SLC39A11: variants seen among roughly 807,000 people sequenced by gnomAD.
The protein encoded by SLC39A11 is zinc transporter ZIP11.
SLC39A11 carries 33 observed loss-of-function variants against 36.1 expected under a neutral mutation model. That is an observed-to-expected ratio of 0.91 (90% CI 0.69 to 1.22). The LOEUF is 1.22. Ranked by LOEUF, SLC39A11 falls within the 50% of genes most tolerant of loss-of-function variation. The probability of loss-of-function intolerance (pLI) is 0.00; values close to 1 mark genes in which losing one functional copy is unlikely to be tolerated. For missense variants in SLC39A11, 432 were observed against 430.3 expected, an observed-to-expected ratio of 1.00 and a Z score of -0.03; for synonymous variants, 166 against 170.3, an observed-to-expected ratio of 0.97 and a Z score of 0.20.
intron 4 of SLC39A11, among the ~76,000 whole-genome samples, chr17:73,009,191 G>A (rs1322734550): frequency 2.6e-5 from 4 of 151,778 alleles, no homozygotes; most frequent in Admixed American, 1.3e-4. Flanking sequence ...GTGAAACCCT[G>A]TCTCTACTAA....
intron 4 of SLC39A11, among the ~76,000 whole-genome samples, chr17:73,005,274 G>A (rs1029628473): frequency 3.3e-5 from 5 of 152,202 alleles, no homozygotes; most frequent in South Asian, 4.2e-4. Flanking sequence ...CACCGTGCCC[G>A]GCCCACACAC....
chr17:72,853,170 A>G (rs1322420218), intron 5 of SLC39A11, among the ~76,000 whole-genome samples: 1 of 148,926 alleles, frequency 6.7e-6, no homozygotes, highest in East Asian at 2.0e-4. Flanking sequence ...GCACGCCACC[A>G]TGGCCAGCTA....
intron 3 of SLC39A11, among the ~76,000 whole-genome samples, chr17:73,065,174 G>A (rs1437090404): frequency 1.3e-5 from 2 of 152,178 alleles, no homozygotes; most frequent in African/African-American, 4.8e-5. Context: ...GGAGGCTGAG[G>A]CTGGCAGATC....
At chr17:72,965,261 A>C (rs929941951) in intron 4 of SLC39A11, among the ~76,000 whole-genome samples, 3 of 152,122 alleles carry the variant, frequency 2.0e-5, no homozygotes, top group Admixed American at 6.5e-5. Context: ...AAAAAAAAAG[A>C]AACTGGAATA....
At chr17:72,714,378 T>C (rs980910224) in intron 7 of SLC39A11, among the ~76,000 whole-genome samples, 3 of 145,434 alleles carry the variant, frequency 2.1e-5, no homozygotes, top group African/African-American at 7.7e-5. Flanking sequence ...AAAAAATTAA[T>C]AAAAATAATA....
chr17:72,704,530 G>C (rs984665821), intron 7 of SLC39A11, among the ~76,000 whole-genome samples: 3 of 152,144 alleles, frequency 2.0e-5, no homozygotes, highest in African/African-American at 7.2e-5. Flanking sequence ...TATTTGATAC[G>C]CTTTTCAGTG....
chr17:72,754,043 T>TAC (rs1442348420), intron 6 of SLC39A11, among the ~76,000 whole-genome samples: 20 of 47,716 alleles, frequency 4.2e-4, no homozygotes, highest in Non-Finnish European at 5.2e-4. Context: ...TATATATATA[T>TAC]ATACACATAC....
chr17:72,988,200 C>T (rs1328226666), intron 4 of SLC39A11, among the ~76,000 whole-genome samples: 1 of 152,232 alleles, frequency 6.6e-6, no homozygotes, highest in African/African-American at 2.4e-5. Context: ...CGCCTGTAAT[C>T]CCAACACTTT....
At chr17:73,060,356 C>T (rs1367201164) in intron 3 of SLC39A11, among the ~76,000 whole-genome samples, 4 of 151,200 alleles carry the variant, frequency 2.6e-5, no homozygotes, top group Non-Finnish European at 4.4e-5. Flanking sequence ...TTGTCCTTCA[C>T]GTTGTCTTTA....
At chr17:72,822,698 T>C (rs1366693427) in intron 6 of SLC39A11, among the ~76,000 whole-genome samples, 2 of 150,986 alleles carry the variant, frequency 1.3e-5, no homozygotes, top group African/African-American at 4.8e-5. Context: ...TGGCAAACAC[T>C]TCCAACCCTA....
intron 4 of SLC39A11, among the ~76,000 whole-genome samples, chr17:72,988,095 C>T (rs1490520887): frequency 1.3e-5 from 2 of 152,180 alleles, no homozygotes; most frequent in Non-Finnish European, 2.9e-5. Flanking sequence ...GAGAATGCGA[C>T]ATCCATCCCC....
At chr17:72,648,673 G>T in intron 9 of SLC39A11, 130 bp downstream of exon 9, 2 of 1,131,698 alleles carry the variant, frequency 1.8e-6, no homozygotes, top group Non-Finnish European at 2.5e-6. Flanking sequence ...CAGTGGGGAT[G>T]ATCTTGGGAA....
At chr17:73,045,197 G>A (rs1209895860) in intron 3 of SLC39A11, among the ~76,000 whole-genome samples, 1 of 151,838 alleles carries the variant, frequency 6.6e-6, no homozygotes, top group Non-Finnish European at 1.5e-5. Context: ...TACCAGCAGT[G>A]TTAAACCAGC....
intron 4 of SLC39A11, among the ~76,000 whole-genome samples, chr17:72,990,133 G>A (rs1389128827): frequency 3.3e-5 from 5 of 152,298 alleles, no homozygotes; most frequent in Admixed American, 6.5e-5. Flanking sequence ...AAAAATTGGT[G>A]ACATGCACTA....
At chr17:73,063,889 A>G (rs2059920336) in intron 3 of SLC39A11, among the ~76,000 whole-genome samples, 1 of 152,180 alleles carries the variant, frequency 6.6e-6, no homozygotes, top group Non-Finnish European at 1.5e-5. Flanking sequence ...TGCACAGGCA[A>G]TGACCGTGTG....
intron 4 of SLC39A11, among the ~76,000 whole-genome samples, chr17:72,999,245 T>G (rs2089686110): frequency 6.6e-6 from 1 of 152,262 alleles, no homozygotes; most frequent in African/African-American, 2.4e-5. Context: ...TTACATTCTT[T>G]ACTTTTTAAC....
intron 6 of SLC39A11, among the ~76,000 whole-genome samples, chr17:72,797,495 T>C (rs1451302868): frequency 6.6e-6 from 1 of 151,944 alleles, no homozygotes; most frequent in African/African-American, 2.4e-5. Context: ...ATTTAAAAGA[T>C]GGGGTACTGG....
At chr17:72,754,055 C>T (rs1275394630) in intron 6 of SLC39A11, among the ~76,000 whole-genome samples, 685 of 25,634 alleles carry the variant, frequency 0.027, 2 homozygotes, top group South Asian at 0.049. Context: ...TACACATACA[C>T]ACACACACAC....
chr17:73,069,403 A>G (rs1248952659), intron 3 of SLC39A11, among the ~76,000 whole-genome samples: 1 of 152,240 alleles, frequency 6.6e-6, no homozygotes, highest in Non-Finnish European at 1.5e-5. Flanking sequence ...TACACATAGT[A>G]AGTGCTCACT....
Sources: allele counts gnomAD v4.1 joint callset (sites outside exome capture counted in the v4.1 genomes callset), GRCh38; gene constraint gnomAD v4.1.1; transcripts MANE v1.5; gene names NCBI Gene and HGNC (gene_info 2026-07-23, HGNC 2026-07-21).